Variants in HPSE2 observed in about 807,000 individuals in gnomAD.
HPSE2 encodes heparanase 2 (inactive).
Under a neutral mutation model 60.5 loss-of-function variants are expected in HPSE2, and 38 were observed. That is an observed-to-expected ratio of 0.63 (90% CI 0.48 to 0.82). The LOEUF is 0.82. HPSE2 is among the 40% of genes least tolerant of loss of function. The pLI, the probability that HPSE2 is intolerant of heterozygous loss-of-function variation, is 0.00. For missense variants in HPSE2, 713 were observed against 740.4 expected, an observed-to-expected ratio of 0.96 and a Z score of 0.43; for synonymous variants, 295 against 293.2, an observed-to-expected ratio of 1.01 and a Z score of -0.06.
intron 3 of HPSE2, among the ~76,000 whole-genome samples, chr10:99,142,861 T>A (rs1845910005): frequency 6.6e-6 from 1 of 152,004 alleles, no homozygotes; most frequent in African/African-American, 2.4e-5. Flanking sequence ...GAACACAAGG[T>A]CTGACCCCTC....
intron 3 of HPSE2, among the ~76,000 whole-genome samples, chr10:99,042,114 T>C (rs1429053750): frequency 6.6e-6 from 1 of 151,914 alleles, no homozygotes; most frequent in Non-Finnish European, 1.5e-5. Flanking sequence ...TAGAGACAAC[T>C]GGCAGGCCCT....
intron 2 of HPSE2, among the ~76,000 whole-genome samples, chr10:99,179,923 A>G (rs1043946458): frequency 6.6e-6 from 1 of 152,212 alleles, no homozygotes; most frequent in Non-Finnish European, 1.5e-5. Flanking sequence ...ATATATACCA[A>G]TGAAACAGAA....
At chr10:98,592,249 T>A (rs1013859363) in intron 9 of HPSE2, among the ~76,000 whole-genome samples, 2 of 152,214 alleles carry the variant, frequency 1.3e-5, no homozygotes, top group African/African-American at 4.8e-5. Context: ...TTGTTCACAC[T>A]CTGTGGGCAA....
At chr10:98,936,553 G>A (rs1468105216) in intron 3 of HPSE2, among the ~76,000 whole-genome samples, 1 of 143,406 alleles carries the variant, frequency 7.0e-6, no homozygotes, top group African/African-American at 2.8e-5. Context: ...CCCCAACTCC[G>A]TGCACTTCCC....
intron 3 of HPSE2, among the ~76,000 whole-genome samples, chr10:98,962,813 G>A (rs1038414739): frequency 2.0e-5 from 3 of 150,428 alleles, no homozygotes; most frequent in Admixed American, 6.7e-5. Flanking sequence ...CCAAATCATG[G>A]GTGAACTCCC....
intron 3 of HPSE2, among the ~76,000 whole-genome samples, chr10:98,850,521 G>A (rs534425390): frequency 2.0e-4 from 30 of 152,140 alleles, no homozygotes; most frequent in South Asian, 1.5e-3. Context: ...CAGATCACGA[G>A]GTTAGGAGAT....
chr10:98,772,909 A>G (rs1355233653), intron 3 of HPSE2, among the ~76,000 whole-genome samples: 1 of 152,322 alleles, frequency 6.6e-6, no homozygotes, highest in East Asian at 1.9e-4. Context: ...GGTTTCTAGG[A>G]AAGGCAAGAA....
intron 3 of HPSE2, among the ~76,000 whole-genome samples, chr10:98,847,258 T>C (rs1189888501): frequency 1.3e-5 from 2 of 152,216 alleles, no homozygotes; most frequent in Non-Finnish European, 2.9e-5. Context: ...ATATATCTGG[T>C]AACTCATTTA....
chr10:98,512,257 C>T (rs1942432610), intron 9 of HPSE2, among the ~76,000 whole-genome samples: 1 of 152,206 alleles, frequency 6.6e-6, no homozygotes, highest in Non-Finnish European at 1.5e-5. Flanking sequence ...GAAATACCCT[C>T]CAATCCATTT....
chr10:98,671,963 A>G (rs1346441770), intron 6 of HPSE2, among the ~76,000 whole-genome samples: 1 of 152,230 alleles, frequency 6.6e-6, no homozygotes, highest in Non-Finnish European at 1.5e-5. Flanking sequence ...TTACCTACAC[A>G]GAACAGGAAA....
At chr10:99,237,132 C>G (rs891180350), upstream of HPSE2, among the ~76,000 whole-genome samples, 2 of 152,168 alleles carry the variant, frequency 1.3e-5, no homozygotes, top group South Asian at 2.1e-4. Context: ...TATCCTGAAG[C>G]GCGGGAAAGG....
At chr10:98,640,000 A>G (rs1946597549) in intron 7 of HPSE2, among the ~76,000 whole-genome samples, 1 of 152,220 alleles carries the variant, frequency 6.6e-6, no homozygotes, top group South Asian at 2.1e-4. Flanking sequence ...TATTGAATGA[A>G]GCAATAAACA....
intron 3 of HPSE2, among the ~76,000 whole-genome samples, chr10:99,042,696 C>T (rs1203076714): frequency 2.0e-5 from 3 of 151,878 alleles, no homozygotes; most frequent in Non-Finnish European, 4.4e-5. Context: ...TCTGCCACTG[C>T]CTCTGCCAGA....
chr10:98,662,398 C>G (rs1947249439), intron 6 of HPSE2, among the ~76,000 whole-genome samples: 1 of 152,254 alleles, frequency 6.6e-6, no homozygotes, highest in African/African-American at 2.4e-5. Flanking sequence ...AGATTATGTC[C>G]TTTACAGGAA....
At chr10:98,886,462 G>A (rs1353634434) in intron 3 of HPSE2, among the ~76,000 whole-genome samples, 1 of 152,094 alleles carries the variant, frequency 6.6e-6, no homozygotes, top group Non-Finnish European at 1.5e-5. Context: ...AACACAAAAT[G>A]TCTAGCCAGG....
At chr10:99,165,675 T>C (rs1847050925) in intron 2 of HPSE2, among the ~76,000 whole-genome samples, 1 of 152,006 alleles carries the variant, frequency 6.6e-6, no homozygotes, top group South Asian at 2.1e-4. Context: ...GCTTCCTGAG[T>C]AGCTGGGATT....
At chr10:98,564,982 T>C (rs538876) in intron 9 of HPSE2, among the ~76,000 whole-genome samples, 128,711 of 151,556 alleles carry the variant, frequency 0.85, 55,917 homozygotes, top group East Asian at 1. Context: ...TGTATAGTCA[T>C]TTGTCCTGTT....
chr10:98,618,791 G>T (rs1214936887), intron 8 of HPSE2, among the ~76,000 whole-genome samples: 1 of 152,114 alleles, frequency 6.6e-6, no homozygotes, highest in African/African-American at 2.4e-5. Flanking sequence ...TGGCCAGGCT[G>T]GTCTCAAACT....
chr10:98,701,203 C>T (rs1277762669), intron 5 of HPSE2, among the ~76,000 whole-genome samples: 18 of 107,884 alleles, frequency 1.7e-4, no homozygotes, highest in African/African-American at 3.7e-4. Flanking sequence ...ATGTTTACTG[C>T]GGCACTATTC....
Sources: allele counts gnomAD v4.1 joint callset (sites outside exome capture counted in the v4.1 genomes callset), GRCh38; gene constraint gnomAD v4.1.1; transcripts MANE v1.5; gene names NCBI Gene and HGNC (gene_info 2026-07-23, HGNC 2026-07-21).